MSRB3: variants seen among roughly 807,000 people sequenced by gnomAD.
The protein encoded by MSRB3 is methionine-R-sulfoxide reductase B3.
A neutral mutation model predicts 21.0 loss-of-function variants in MSRB3; 13 were observed. The ratio of observed to expected loss-of-function variants is 0.62; its 90% confidence interval spans 0.40 to 0.98. The LOEUF (loss-of-function observed/expected upper bound fraction) is 0.98. MSRB3 is among the 50% of genes least tolerant of loss of function. The pLI, the probability that MSRB3 is intolerant of heterozygous loss-of-function variation, is 0.00. For missense variants in MSRB3, 199 were observed against 230.3 expected, an observed-to-expected ratio of 0.86 and a Z score of 0.88; for synonymous variants, 87 against 88.6, an observed-to-expected ratio of 0.98 and a Z score of 0.10.
At chr12:65,347,895 T>G (rs1876634679) in intron 4 of MSRB3, among the ~76,000 whole-genome samples, 2 of 152,214 alleles carry the variant, frequency 1.3e-5, no homozygotes. Flanking sequence ...GTTTACTGAT[T>G]TGCGTATGTT....
Position 65,383,603 on chromosome 12 carries a change from G to A in MSRB3, c.292+14577G>A, listed in dbSNP as rs187509473. On this transcript the variant is annotated intron_variant, in intron 5 of 6. Transcript: ENST00000308259. ...GTGGTATGGGTAACAATAAATGGAT[G>A]TTTTTATCTAAAGTAGGAAATCACA... is the stretch of plus-strand genomic sequence containing the variant. Among the ~76,000 whole-genome samples, 13 of 150,756 alleles carry A rather than the reference G, an allele frequency of 8.6e-5. No homozygotes were observed. The East Asian group carries it at 2.5e-3, about 29-fold the overall frequency.
At chr12:65,330,049 C>T (rs1875308568) in intron 4 of MSRB3, among the ~76,000 whole-genome samples, 2 of 152,180 alleles carry the variant, frequency 1.3e-5, no homozygotes, top group Non-Finnish European at 2.9e-5. Context: ...AGTTGCTGAG[C>T]CATGTTAAAC....
chr12:65,280,484 C>T (rs992648758), intron 1 of MSRB3, among the ~76,000 whole-genome samples: 3 of 152,130 alleles, frequency 2.0e-5, no homozygotes, highest in Non-Finnish European at 2.9e-5. Context: ...TGTGGTGAAA[C>T]GGCCTTCGAA....
intron 5 of MSRB3, among the ~76,000 whole-genome samples, chr12:65,450,980 T>G (rs917443363): frequency 6.6e-6 from 1 of 151,936 alleles, no homozygotes; most frequent in East Asian, 1.9e-4. Context: ...TACTTACCTT[T>G]CTGATGTACT....
intron 5 of MSRB3, among the ~76,000 whole-genome samples, chr12:65,379,965 AT>A (rs1473692058): frequency 2.6e-5 from 4 of 152,214 alleles, no homozygotes; most frequent in Non-Finnish European, 1.5e-5. Context: ...CAGTTTCTAC[AT>A]TTGTGGAGCT....
At chr12:65,350,007 T>C (rs1876827514) in intron 4 of MSRB3, among the ~76,000 whole-genome samples, 1 of 151,460 alleles carries the variant, frequency 6.6e-6, no homozygotes, top group Non-Finnish European at 1.5e-5. Context: ...TGAATGGTGA[T>C]GCCTAGGTTT....
chr12:65,387,350 G>A (rs1383184914), intron 5 of MSRB3, among the ~76,000 whole-genome samples: 1 of 151,866 alleles, frequency 6.6e-6, no homozygotes, highest in Non-Finnish European at 1.5e-5. Context: ...CACACTGACA[G>A]TCGCTGAGTG....
intron 5 of MSRB3, among the ~76,000 whole-genome samples, chr12:65,424,800 G>C (rs914856773): frequency 6.6e-6 from 1 of 150,636 alleles, no homozygotes; most frequent in Admixed American, 6.6e-5. Context: ...TGGATAGAAC[G>C]TTTTGTACAT....
At chr12:65,368,128 A>C (rs1878117695) in intron 4 of MSRB3, among the ~76,000 whole-genome samples, 1 of 152,104 alleles carries the variant, frequency 6.6e-6, no homozygotes, top group Non-Finnish European at 1.5e-5. Context: ...TTTCAAAGAA[A>C]TCTCCTTTCC....
At chr12:65,322,888 G>A (rs1299301107) in intron 2 of MSRB3, among the ~76,000 whole-genome samples, 1 of 152,080 alleles carries the variant, frequency 6.6e-6, no homozygotes, top group Non-Finnish European at 1.5e-5. Flanking sequence ...GCCTAGACAT[G>A]TGCCTGGCAT....
At chr12:65,305,221 CCATGCCTGGT>C (rs1873581515) in intron 1 of MSRB3, 1 of 152,080 alleles carries the variant, frequency 6.6e-6, no homozygotes, top group Non-Finnish European at 1.5e-5. Flanking sequence ...GCGCCCACCA[CCATGCCTGGT>C]TAGTTTTTGT....
At chr12:65,335,594 C>T (rs1875711711) in intron 4 of MSRB3, among the ~76,000 whole-genome samples, 1 of 152,078 alleles carries the variant, frequency 6.6e-6, no homozygotes, top group African/African-American at 2.4e-5. Context: ...TGAACTTTTC[C>T]CTCTGTGATG....
chr12:65,354,139 C>T (rs113325724), intron 4 of MSRB3, among the ~76,000 whole-genome samples: 1 of 152,014 alleles, frequency 6.6e-6, no homozygotes, highest in Non-Finnish European at 1.5e-5. Context: ...CCCGACCTTT[C>T]TCTCTGGCTG....
At chr12:65,462,565 G>T (rs1883377053) in intron 6 of MSRB3, among the ~76,000 whole-genome samples, 1 of 152,192 alleles carries the variant, frequency 6.6e-6, no homozygotes, top group Non-Finnish European at 1.5e-5. Context: ...AAAAACAATT[G>T]TGTGTGCTAG....
At chr12:65,302,042 A>C (rs1439466133) in intron 1 of MSRB3, among the ~76,000 whole-genome samples, 1 of 152,138 alleles carries the variant, frequency 6.6e-6, no homozygotes, top group Non-Finnish European at 1.5e-5. Flanking sequence ...GGTTAAAATA[A>C]AGTTTTACTA....
intron 5 of MSRB3, among the ~76,000 whole-genome samples, chr12:65,374,894 G>C (rs1347843991): frequency 6.6e-6 from 1 of 152,170 alleles, no homozygotes; most frequent in East Asian, 1.9e-4. Flanking sequence ...CTGTCGCCCA[G>C]GCTGGAGTGC....
At chr12:65,455,067 A>G (rs1198988132) in intron 6 of MSRB3, among the ~76,000 whole-genome samples, 1 of 152,206 alleles carries the variant, frequency 6.6e-6, no homozygotes, top group East Asian at 1.9e-4. Context: ...AGGCAGCTGT[A>G]ATAGCAAAGT....
rs1010600482 is a variant in MSRB3, at chr12:65,436,581, T to A, written c.293-17147T>A. On this transcript the variant is annotated intron_variant, in intron 5 of 6. Coordinates refer to ENST00000308259, the MANE Select transcript of MSRB3 (RefSeq NM_001031679.3). ...AAACCCTGATTTGGGTGTTATAGCA[T>A]CATTTCATCATTTCTAGAGTTTTTT... is the stretch of plus-strand genomic sequence containing the variant. Among the ~76,000 whole-genome samples, 7 of 151,898 alleles carry A rather than the reference T, an allele frequency of 4.6e-5. 1 individual carries two copies. Among genetic ancestry groups the A allele is most frequent in the African/African-American group, 1.7e-4 (7 of 41,408 alleles).
At chr12:65,458,554 C>T (rs1169240367) in intron 6 of MSRB3, among the ~76,000 whole-genome samples, 2 of 152,182 alleles carry the variant, frequency 1.3e-5, no homozygotes, top group African/African-American at 2.4e-5. Flanking sequence ...TTTGCATTGA[C>T]AGCACTGAAA....
Sources: allele counts gnomAD v4.1 joint callset (sites outside exome capture counted in the v4.1 genomes callset), GRCh38; gene constraint gnomAD v4.1.1; transcripts MANE v1.5; gene names NCBI Gene and HGNC (gene_info 2026-07-23, HGNC 2026-07-21).